The following FOXP2 variants were observed in gnomAD, a reference collection of about 807,000 sequenced individuals.
FOXP2 encodes forkhead box protein P2.
Under a neutral mutation model 115.8 loss-of-function variants are expected in FOXP2, and 12 were observed. That is an observed-to-expected ratio of 0.10 (90% CI 0.07 to 0.17). FOXP2 has a LOEUF of 0.17. FOXP2 is among the 10% of genes least tolerant of loss of function. The pLI is 1.00. For synonymous variants in FOXP2, 328 were observed against 297.7 expected (o/e 1.10, Z -1.05); for missense variants, 629 against 843.5 (o/e 0.75, Z 3.15).
intron 1 of FOXP2, among the ~76,000 whole-genome samples, chr7:114,278,633 C>T (rs907928976): frequency 1.3e-5 from 2 of 152,224 alleles, no homozygotes; most frequent in South Asian, 2.1e-4. Flanking sequence ...GGATTACCGG[C>T]GTGAGCCACC....
intron 2 of FOXP2, among the ~76,000 whole-genome samples, chr7:114,408,140 A>G (rs891547885): frequency 6.6e-6 from 1 of 152,114 alleles, no homozygotes; most frequent in Non-Finnish European, 1.5e-5. Context: ...ATATCCTCAC[A>G]TTTTGGCATC....
chr7:114,381,774 A>T (rs10233738), intron 2 of FOXP2, among the ~76,000 whole-genome samples: 142,204 of 152,136 alleles, frequency 0.93, 67,109 homozygotes, highest in East Asian at 1. Context: ...GGGCTATTGC[A>T]TGGTTTTACT....
At chr7:114,540,387 A>G (rs1370583074) in intron 3 of FOXP2, among the ~76,000 whole-genome samples, 2 of 152,068 alleles carry the variant, frequency 1.3e-5, no homozygotes, top group Non-Finnish European at 2.9e-5. Context: ...AGAGCTCAAT[A>G]AATAAACTTG....
intron 1 of FOXP2, among the ~76,000 whole-genome samples, chr7:114,192,469 T>G (rs946093955): frequency 4.6e-5 from 7 of 152,218 alleles, no homozygotes; most frequent in Non-Finnish European, 8.8e-5. Flanking sequence ...TAGGTGTTTG[T>G]GTTTATGTCA....
chr7:114,180,331 C>T (rs189593077), intron 1 of FOXP2, among the ~76,000 whole-genome samples: 2 of 151,978 alleles, frequency 1.3e-5, no homozygotes, highest in South Asian at 2.1e-4. Flanking sequence ...TCTTGTGAGC[C>T]CTTTTTCTGC....
chr7:114,209,579 A>AT (rs959048275), intron 1 of FOXP2, among the ~76,000 whole-genome samples: 8 of 151,704 alleles, frequency 5.3e-5, no homozygotes, highest in African/African-American at 1.9e-4. Context: ...TGCCCGTAAC[A>AT]TTTTTTCTTT....
intron 1 of FOXP2, among the ~76,000 whole-genome samples, chr7:114,206,024 G>A (rs1026151916): frequency 6.6e-6 from 1 of 152,144 alleles, no homozygotes; most frequent in African/African-American, 2.4e-5. Context: ...GACTCCAAGA[G>A]TTTGAGAATA....
At chr7:114,386,766 G>A (rs1352555302) in intron 2 of FOXP2, among the ~76,000 whole-genome samples, 1 of 152,164 alleles carries the variant, frequency 6.6e-6, no homozygotes, top group Middle Eastern at 3.2e-3. Flanking sequence ...GGGATTTCAG[G>A]CTATTTCTGA....
chr7:114,146,970 C>T (rs893652519), intron 1 of FOXP2, among the ~76,000 whole-genome samples: 1 of 152,142 alleles, frequency 6.6e-6, no homozygotes, highest in Non-Finnish European at 1.5e-5. Context: ...ATAATCTTAG[C>T]AGTTACAACA....
chr7:114,191,314 A>G (rs1251917388), intron 1 of FOXP2, among the ~76,000 whole-genome samples: 1 of 152,196 alleles, frequency 6.6e-6, no homozygotes, highest in Non-Finnish European at 1.5e-5. Context: ...TAGATATAGA[A>G]GGAGAGAAAG....
intron 3 of FOXP2, among the ~76,000 whole-genome samples, chr7:114,567,801 C>T (rs781257040): frequency 4.6e-5 from 7 of 151,918 alleles, no homozygotes; most frequent in Non-Finnish European, 1.0e-4. Flanking sequence ...CATCTCTTAC[C>T]AACATTCTGT....
At chr7:114,122,804 A>ACT in intron 1 of FOXP2, among the ~76,000 whole-genome samples, 1 of 152,246 alleles carries the variant, frequency 6.6e-6, no homozygotes, top group Non-Finnish European at 1.5e-5. Context: ...ATTTGAATAC[A>ACT]CATAATTTTT....
intron 6 of FOXP2, among the ~76,000 whole-genome samples, chr7:114,638,460 T>A (rs1805343682): frequency 6.6e-6 from 1 of 152,140 alleles, no homozygotes. Flanking sequence ...TAACCTAGAT[T>A]AATCATTGCA....
At chr7:114,370,434 G>A (rs1791976708) in intron 2 of FOXP2, among the ~76,000 whole-genome samples, 1 of 152,206 alleles carries the variant, frequency 6.6e-6, no homozygotes, top group Non-Finnish European at 1.5e-5. Flanking sequence ...TAGTGTACCT[G>A]TGTTGGCTCT....
intron 1 of FOXP2, among the ~76,000 whole-genome samples, chr7:114,231,794 GA>G (rs1334714833): frequency 6.6e-6 from 1 of 152,124 alleles, no homozygotes; most frequent in Admixed American, 6.6e-5. Flanking sequence ...ATAGCTTCAT[GA>G]CCTTGTTCTT....
intron 1 of FOXP2, among the ~76,000 whole-genome samples, chr7:114,145,370 A>T (rs543391515): frequency 6.6e-6 from 1 of 152,228 alleles, no homozygotes; most frequent in South Asian, 2.1e-4. Flanking sequence ...AAACATTCTG[A>T]AATAGATAAC....
At chr7:114,330,479 A>AAT (rs1562873869) in intron 2 of FOXP2, among the ~76,000 whole-genome samples, 5 of 123,756 alleles carry the variant, frequency 4.0e-5, no homozygotes, top group African/African-American at 1.3e-4. Context: ...AAAAAAAAAA[A>AAT]GTTTATATAT....
intron 2 of FOXP2, among the ~76,000 whole-genome samples, chr7:114,427,189 G>T (rs1350136467): frequency 6.6e-6 from 1 of 151,508 alleles, no homozygotes; most frequent in Non-Finnish European, 1.5e-5. Flanking sequence ...TAAACACTAC[G>T]ATCTGTTGCT....
At chr7:114,616,174 T>G (rs1803941486) in intron 3 of FOXP2, among the ~76,000 whole-genome samples, 2 of 152,066 alleles carry the variant, frequency 1.3e-5, no homozygotes, top group Non-Finnish European at 2.9e-5. Flanking sequence ...CGTTTTTGTT[T>G]TTTTTTGAGA....
Sources: allele counts gnomAD v4.1 joint callset (sites outside exome capture counted in the v4.1 genomes callset), GRCh38; gene constraint gnomAD v4.1.1; transcripts MANE v1.5; gene names NCBI Gene and HGNC (gene_info 2026-07-23, HGNC 2026-07-21).